SYTL5: variants seen among roughly 807,000 people sequenced by gnomAD.
The protein encoded by SYTL5 is synaptotagmin like 5.
A neutral mutation model predicts 55.9 loss-of-function variants in SYTL5; 34 were observed. The observed-to-expected ratio is 0.61, with a 90% CI of 0.46 to 0.81. The LOEUF (loss-of-function observed/expected upper bound fraction) is 0.81. SYTL5 is among the 30% of genes least tolerant of loss of function. SYTL5 has a pLI of 0.00. For missense variants in SYTL5, 637 were observed against 546.7 expected, an observed-to-expected ratio of 1.17 and a Z score of -1.65; for synonymous variants, 221 against 188.7, an observed-to-expected ratio of 1.17 and a Z score of -1.40.
intron 1 of SYTL5, among the ~76,000 whole-genome samples, chrX:38,007,010 T>A (rs1408346268): frequency 9.0e-6 from 1 of 111,383 alleles, no homozygotes; most frequent in African/African-American, 3.3e-5. Flanking sequence ...AAAAATCAAA[T>A]TCACAGCAGA....
At chrX:37,922,323 A>G in the SYTL5 span, among the ~76,000 whole-genome samples, 4 of 111,758 alleles carry the variant, frequency 3.6e-5, no homozygotes, top group African/African-American at 1.3e-4. Flanking sequence ...CCTCCGAGGT[A>G]AAGATTCTCA....
chrX:37,934,303 C>T, the SYTL5 span, among the ~76,000 whole-genome samples: 72 of 109,972 alleles, frequency 6.5e-4, 1 homozygote, highest in Non-Finnish European at 1.3e-3. Flanking sequence ...ATCTAAAGAA[C>T]TAAGGAAAAG....
chrX:37,990,833 A>C, the SYTL5 span: 1 of 1,188,582 alleles, frequency 8.4e-7, no homozygotes, highest in Non-Finnish European at 1.1e-6. Context: ...CAAACCCAGC[A>C]AACATCATGT....
Position 38,111,313 on chromosome X carries a change from T to A in SYTL5, c.1596+831T>A, listed in dbSNP as rs973528001. ...TTCCTTAGTGTCCTCAGTTATAATA[T>A]AATCGTGGGATGTAGCTTATAGGTC... On this transcript the variant is annotated intron_variant, in intron 13 of 16. Transcript: ENST00000297875. Among the ~76,000 whole-genome samples the A allele has an allele frequency of 2.7e-5, 3 of 111,928 alleles. No homozygotes were observed. The Admixed American group carries it at 2.8e-4, about 11-fold the overall frequency.
chrX:37,899,871 G>T, the SYTL5 span, among the ~76,000 whole-genome samples: 9 of 110,855 alleles, frequency 8.1e-5, no homozygotes, highest in Non-Finnish European at 1.9e-5. Flanking sequence ...ATGAAGAAAG[G>T]GTTGAATTGA....
chrX:38,066,968 C>G lies in SYTL5; in HGVS notation c.330-5079C>G, dbSNP rs748234042. On this transcript the variant is annotated intron_variant, in intron 3 of 16. Coordinates refer to ENST00000297875, the MANE Select transcript of SYTL5 (RefSeq NM_138780.3). Reference sequence around the variant, plus strand: ...ATTAGAGATACCGTATATAAAGTGACTAGCCTATTACTTGGTGACTGACAT... The same window carrying G: ...ATTAGAGATACCGTATATAAAGTGAGTAGCCTATTACTTGGTGACTGACAT... Among the ~76,000 whole-genome samples the G allele has an allele frequency of 4.5e-5, 5 of 111,636 alleles. No homozygotes were observed. The Admixed American group carries it at 4.8e-4, about 11-fold the overall frequency.
chrX:38,051,863 A>AT (rs1935632543), intron 2 of SYTL5, among the ~76,000 whole-genome samples: 1 of 111,144 alleles, frequency 9.0e-6, no homozygotes, highest in Non-Finnish European at 1.9e-5. Context: ...TGCCTCCAGG[A>AT]TGTTTGTAGG....
Position 38,078,029 on chromosome X carries a change from T to C in SYTL5, c.689+1328T>C, listed in dbSNP as rs142323587. 4.5e-3 allele frequency among the ~76,000 whole-genome samples: 494 copies of C among 110,938 alleles called. 2 individuals carry two copies. The highest frequency in any genetic ancestry group is 0.015 in the African/African-American group (465 of 30,592). Reference sequence around the variant, plus strand: ...GCATGGGTGACTGAGCAAGACCTTGTCTCAAAAAAAAATGAATAAATAAAT... The same window carrying C: ...GCATGGGTGACTGAGCAAGACCTTGCCTCAAAAAAAAATGAATAAATAAAT... On this transcript the variant is annotated intron_variant, in intron 6 of 16. Transcript: ENST00000297875.
intron 2 of SYTL5, among the ~76,000 whole-genome samples, chrX:38,053,138 A>G (rs192754594): frequency 4.4e-5 from 5 of 112,616 alleles, no homozygotes; most frequent in African/African-American, 1.6e-4. Context: ...AAATTTTGTT[A>G]AAATGTAGGT....
intron 6 of SYTL5, among the ~76,000 whole-genome samples, chrX:38,085,297 C>A (rs1936639949): frequency 9.0e-6 from 1 of 111,470 alleles, no homozygotes; most frequent in African/African-American, 3.3e-5. Flanking sequence ...CTAGATGCCA[C>A]ACCCAGAGAG....
the SYTL5 span, among the ~76,000 whole-genome samples, chrX:37,963,181 G>A: frequency 9.0e-6 from 1 of 111,091 alleles, no homozygotes; most frequent in Non-Finnish European, 1.9e-5. Context: ...TCACCTTGAT[G>A]CTATTGTAAA....
chrX:37,967,839 A>C, the SYTL5 span, among the ~76,000 whole-genome samples: 1 of 108,437 alleles, frequency 9.2e-6, no homozygotes, highest in East Asian at 3.0e-4. Context: ...GGCTTCAAGC[A>C]GTCTTCCTTC....
chrX:38,078,576 G>GA lies in SYTL5; in HGVS notation c.689+1885dup, dbSNP rs1211058169. Among the ~76,000 whole-genome samples, 493 of 104,278 alleles carry GA rather than the reference G, an allele frequency of 4.7e-3. 4 individuals carry two copies. Among genetic ancestry groups the GA allele is most frequent in the African/African-American group, 0.016 (453 of 28,854 alleles). The allele number at this position is 104,278 out of a possible 115,157, so 90.6% of individuals were successfully genotyped here. On this transcript the variant is annotated intron_variant, in intron 6 of 16. Coordinates refer to ENST00000297875, the MANE Select transcript of SYTL5 (RefSeq NM_138780.3). Reference sequence around the variant, plus strand: ...CACCCGGCCAATGTTCCTTGTTAAAGAAAAAAAAAAGGCTGCCAGCCTAAC... The same window carrying GA: ...CACCCGGCCAATGTTCCTTGTTAAAGAAAAAAAAAAAGGCTGCCAGCCTAAC...
intron 3 of SYTL5, among the ~76,000 whole-genome samples, chrX:38,060,361 C>G (rs981967936): frequency 4.5e-5 from 5 of 111,481 alleles, no homozygotes; most frequent in African/African-American, 1.3e-4. Flanking sequence ...TTAATATAAC[C>G]CTTTCCTGTG....
chrX:37,915,213 G>A, the SYTL5 span, among the ~76,000 whole-genome samples: 68 of 111,744 alleles, frequency 6.1e-4, no homozygotes, highest in Middle Eastern at 4.6e-3. Flanking sequence ...TGAGTAGGGA[G>A]GCAGTTGACA....
the SYTL5 span, among the ~76,000 whole-genome samples, chrX:37,986,553 A>G: frequency 8.9e-6 from 1 of 111,865 alleles, no homozygotes. Flanking sequence ...TGTGGATTTC[A>G]TTTCTGCCTT....
At chrX:37,959,202 G>C in the SYTL5 span, among the ~76,000 whole-genome samples, 8 of 111,819 alleles carry the variant, frequency 7.2e-5, no homozygotes, top group South Asian at 1.1e-3. Flanking sequence ...TCACAAGAGG[G>C]CATTAGCTAT....
At chrX:38,032,294 A>G (rs1934975564) in intron 1 of SYTL5, among the ~76,000 whole-genome samples, 1 of 112,041 alleles carries the variant, frequency 8.9e-6, no homozygotes, top group Admixed American at 9.5e-5. Flanking sequence ...TAGATTACCC[A>G]AGAAGTCATC....
At chrX:38,023,699 A>G (rs1602312690) in intron 1 of SYTL5, among the ~76,000 whole-genome samples, 1 of 111,015 alleles carries the variant, frequency 9.0e-6, no homozygotes, top group East Asian at 2.8e-4. Flanking sequence ...CAGCTTCGAG[A>G]GCTTCTAACT....
Sources: allele counts gnomAD v4.1 joint callset (sites outside exome capture counted in the v4.1 genomes callset), GRCh38; gene constraint gnomAD v4.1.1; transcripts MANE v1.5; gene names NCBI Gene and HGNC (gene_info 2026-07-23, HGNC 2026-07-21).